The following ZNF486 variants were observed in gnomAD, a reference collection of about 807,000 sequenced individuals.
ZNF486 encodes the protein KRAB box only protein 2.
In ZNF486, 12 loss-of-function variants were observed where a neutral mutation model predicts 12.8. That is an observed-to-expected ratio of 0.94 (90% CI 0.60 to 1.52). ZNF486 has a LOEUF of 1.52. Ranked by LOEUF, ZNF486 falls within the 40% of genes most tolerant of loss-of-function variation. ZNF486 has a pLI of 0.00. For missense variants in ZNF486, 738 were observed against 545.0 expected, an observed-to-expected ratio of 1.35 and a Z score of -3.53; for synonymous variants, 231 against 184.9, an observed-to-expected ratio of 1.25 and a Z score of -2.02.
At chr19:20,178,315 C>G (rs112015278) in intron 1 of ZNF486, among the ~76,000 whole-genome samples, 4,540 of 152,154 alleles carry the variant, frequency 0.03, 96 homozygotes, top group Middle Eastern at 0.055. Flanking sequence ...GCCTTCTCGG[C>G]TCACTGCAAG....
chr19:20,189,844 T>C (rs1555716951), intron 3 of ZNF486, among the ~76,000 whole-genome samples: 1 of 152,208 alleles, frequency 6.6e-6, no homozygotes, highest in Admixed American at 6.5e-5. Flanking sequence ...ACTTTTCTTG[T>C]ATTTGTTGCT....
At chr19:20,178,026 A>G (rs1406728093) in intron 1 of ZNF486, among the ~76,000 whole-genome samples, 1 of 146,732 alleles carries the variant, frequency 6.8e-6, no homozygotes, top group Non-Finnish European at 1.5e-5. Flanking sequence ...TGGGTTCAAG[A>G]GATTCTCCTG....
chr19:20,198,044 G>C lies in ZNF486; in HGVS notation c.1334G>C (p.Trp445Ser). ...KCKECGKAFNWSSDLNKHKRI... is the reference protein window; with the variant it reads ...KCKECGKAFNSSSDLNKHKRI... ...AAAGAATGTGGCAAAGCTTTTAACTGGTCCTCAGACCTTAATAAACATAAG... is the reference window on the plus strand; with the variant it reads ...AAAGAATGTGGCAAAGCTTTTAACTCGTCCTCAGACCTTAATAAACATAAG... Residue 445 changes from tryptophan (W) to serine (S), a missense_variant, in exon 4 of 4, where the codon TGG becomes TCG. Physicochemically the swap from Trp to Ser is radical, Grantham distance 177 (BLOSUM62 -3). Transcript: ENST00000335117. 6.2e-7 allele frequency: 1 copy of C among 1,611,846 alleles called. No individual in the cohort carries two copies. The highest frequency in any genetic ancestry group is 8.5e-7 in the Non-Finnish European group (1 of 1,178,754).
rs532708428 is a variant in ZNF486 at position 20,187,594 on chromosome 19, C to T, written c.253+1512C>T. ...TCAGCTCACTGCAACCTCCACCTCC[C>T]GGGTTCACGCCATTCTCCTGCCTCA... On this transcript the variant is annotated intron_variant, in intron 3 of 3. Transcript: ENST00000335117. Among the ~76,000 whole-genome samples the T allele has an allele frequency of 3.4e-4, 51 of 151,380 alleles. 1 individual carries two copies. The South Asian group carries it at 8.2e-3, about 24-fold the overall frequency.
rs782476249 is a variant in ZNF486 at position 20,197,898 on chromosome 19, T to A, written c.1188T>A (p.His396Gln). ...CATGGTCTGCAGGCCTCCATAAACA[T>A]AGGAGAACTCATACTGGAGAGAAAC... ...AFTWSAGLHK[H>Q]RRTHTGEKPY... The change falls in exon 4 of 4, where the codon CAT becomes CAA. Residue 396 changes from histidine (H) to glutamine (Q), a missense_variant. By Grantham distance (24) the His-to-Gln change is conservative. Coordinates refer to ENST00000335117, the MANE Select transcript of ZNF486 (RefSeq NM_052852.4). 1.8e-5 allele frequency: 29 copies of A among 1,613,254 alleles called. No individual in the cohort carries two copies. The highest frequency in any genetic ancestry group is 2.4e-5 in the Non-Finnish European group (28 of 1,179,862).
intron 1 of ZNF486, among the ~76,000 whole-genome samples, chr19:20,170,016 G>C (rs950542664): frequency 1.3e-5 from 2 of 148,204 alleles, no homozygotes; most frequent in African/African-American, 2.5e-5. Flanking sequence ...TCAGCCTCCC[G>C]AGTAGCTGGG....
intron 1 of ZNF486, among the ~76,000 whole-genome samples, chr19:20,180,907 G>C (rs2089777580): frequency 6.6e-6 from 1 of 152,136 alleles, no homozygotes; most frequent in South Asian, 2.1e-4. Flanking sequence ...TAAGGGATTT[G>C]TTTAAATTGT....
intron 3 of ZNF486, among the ~76,000 whole-genome samples, chr19:20,187,526 G>T (rs2122664351): frequency 7.6e-6 from 1 of 131,680 alleles, no homozygotes; most frequent in African/African-American, 3.0e-5. Context: ...TTTTTTGAGA[G>T]AGTCTCACTC....
At chr19:20,168,885 G>T (rs2089614263) in intron 1 of ZNF486, among the ~76,000 whole-genome samples, 1 of 151,914 alleles carries the variant, frequency 6.6e-6, no homozygotes, top group Non-Finnish European at 1.5e-5. Context: ...TTGTGGCCCA[G>T]GCTGGAGTGC....
At position 20,197,985 on chromosome 19, in the gene ZNF486, G is replaced by A; in HGVS notation, c.1275G>A (p.Lys425=). ...CATCCTCAAATCTAACTGAACATAA[G>A]ACAACTCATACTGGAGAGAAACCTT... ...YTTSSNLTEH[K]TTHTGEKPYK... The change falls in exon 4 of 4, where the codon AAG becomes AAA. Residue 425 remains lysine, a synonymous_variant. Transcript: ENST00000335117. The A allele has an allele frequency of 6.2e-7, 1 of 1,613,738 alleles. No homozygotes were observed.
chr19:20,183,334 T>C (rs1296959311), intron 1 of ZNF486, among the ~76,000 whole-genome samples: 1 of 152,188 alleles, frequency 6.6e-6, no homozygotes, highest in East Asian at 1.9e-4. Flanking sequence ...CAGAACAGGA[T>C]TAAGAAAATG....
At chr19:20,172,205 G>A (rs1235854096) in intron 1 of ZNF486, among the ~76,000 whole-genome samples, 2 of 151,716 alleles carry the variant, frequency 1.3e-5, no homozygotes, top group African/African-American at 4.8e-5. Context: ...ATTTCTCCAC[G>A]TGGGTCAGGC....
chr19:20,197,748 A>G lies in ZNF486; in HGVS notation c.1038A>G (p.Gly346=), dbSNP rs782103338. 1 of 1,613,926 alleles carries G rather than the reference A, an allele frequency of 6.2e-7. No individual in the cohort carries two copies. Among genetic ancestry groups the G allele is most frequent in the Non-Finnish European group, 8.5e-7 (1 of 1,179,952 alleles). ...GTAAACATGAGAAGATTCATACGGG[A>G]GAGAAACCCTACAAATGTGAAGAAT... ...ILSKHEKIHT[G]EKPYKCEECG... Residue 346 remains glycine (G), a synonymous_variant, in exon 4 of 4, where the codon GGA becomes GGG. Coordinates refer to ENST00000335117, the MANE Select transcript of ZNF486 (RefSeq NM_052852.4).
chr19:20,184,976 T>C (rs1403730471), intron 2 of ZNF486, among the ~76,000 whole-genome samples: 13 of 152,080 alleles, frequency 8.5e-5, no homozygotes, highest in African/African-American at 3.1e-4. Context: ...TCGTTTATGG[T>C]GGCATAGTCC....
chr19:20,191,299 G>A (rs559002181), intron 3 of ZNF486, among the ~76,000 whole-genome samples: 6 of 151,116 alleles, frequency 4.0e-5, no homozygotes, highest in African/African-American at 7.3e-5. Flanking sequence ...GTGAAACCCC[G>A]TCTCTACCAA....
chr19:20,187,936 C>T (rs1555716750), intron 3 of ZNF486, among the ~76,000 whole-genome samples: 1 of 152,038 alleles, frequency 6.6e-6, no homozygotes, highest in Non-Finnish European at 1.5e-5. Context: ...GCACTAGGGT[C>T]CACCTTTAGT....
intron 1 of ZNF486, among the ~76,000 whole-genome samples, chr19:20,169,084 C>T (rs1259394813): frequency 3.3e-5 from 5 of 151,700 alleles, no homozygotes; most frequent in Admixed American, 3.3e-4. Context: ...TGTGATCCGC[C>T]TACCTCAGCC....
chr19:20,186,095 GA>G lies in ZNF486; in HGVS notation c.253+17del. 6.4e-7 allele frequency: 1 copy of G among 1,568,890 alleles called. No homozygotes were observed. The highest frequency in any genetic ancestry group is 1.2e-5 in the South Asian group (1 of 83,046). ...GCCAAACCCCCAGGTAGGTGCGAATGAAAATGAACACAACAGACAATGCAGA... is the reference window on the plus strand; with the variant it reads ...GCCAAACCCCCAGGTAGGTGCGAATGAAATGAACACAACAGACAATGCAGA... On this transcript the variant is annotated intron_variant, in intron 3 of 3. Coordinates refer to ENST00000335117, the MANE Select transcript of ZNF486 (RefSeq NM_052852.4).
At chr19:20,194,858 T>C (rs1175671315) in intron 3 of ZNF486, among the ~76,000 whole-genome samples, 2 of 152,022 alleles carry the variant, frequency 1.3e-5, no homozygotes, top group African/African-American at 4.8e-5. Context: ...GTGTTTGTTA[T>C]AAATATATTT....
Sources: gnomAD v4.1 joint callset for allele counts (sites outside exome capture counted in the v4.1 genomes callset) on GRCh38, gnomAD v4.1.1 for gene constraint, MANE v1.5 for transcripts, NCBI Gene and HGNC (gene_info 2026-07-23, HGNC 2026-07-21) for gene names.